The following ZCRB1 variants were observed in gnomAD, a reference collection of about 807,000 sequenced individuals.
ZCRB1 encodes zinc finger CCHC-type and RNA-binding motif-containing protein 1.
ZCRB1 carries 21 observed loss-of-function variants against 29.9 expected under a neutral mutation model. That is an observed-to-expected ratio of 0.70 (90% CI 0.50 to 1.01). ZCRB1 has a LOEUF of 1.01. Ranked by LOEUF, ZCRB1 falls within the 50% of genes least tolerant of loss-of-function variation. The probability of loss-of-function intolerance (pLI) is 0.00; values close to 1 mark genes in which losing one functional copy is unlikely to be tolerated. For missense variants in ZCRB1, 204 were observed against 253.3 expected, an observed-to-expected ratio of 0.81 and a Z score of 1.32; for synonymous variants, 77 against 80.0, an observed-to-expected ratio of 0.96 and a Z score of 0.20.
At chr12:42,324,534 A>G (rs1322968004) in intron 1 of ZCRB1, among the ~76,000 whole-genome samples, 1 of 152,252 alleles carries the variant, frequency 6.6e-6, no homozygotes, top group African/African-American at 2.4e-5. Flanking sequence ...ACAAAAACCA[A>G]TAAAGTATTA....
intron 2 of ZCRB1, among the ~76,000 whole-genome samples, chr12:42,323,480 C>T (rs1166106081): frequency 6.6e-6 from 1 of 152,128 alleles, no homozygotes; most frequent in Non-Finnish European, 1.5e-5. Flanking sequence ...TCTGACCGCC[C>T]TATGTAAAAT....
chr12:42,320,678 C>G (rs1173833206), intron 3 of ZCRB1, among the ~76,000 whole-genome samples: 1 of 152,040 alleles, frequency 6.6e-6, no homozygotes, highest in Non-Finnish European at 1.5e-5. Context: ...GAACTCATGA[C>G]CTTTCAAGTG....
rs147038930 is a variant in ZCRB1, at chr12:42,316,691, G to A, written c.333+649C>T. Among the ~76,000 whole-genome samples, 258 of 152,302 alleles carry A rather than the reference G, an allele frequency of 1.7e-3. 3 individuals carry two copies. The highest frequency in any genetic ancestry group is 5.8e-3 in the African/African-American group (240 of 41,566). On this transcript the variant is annotated intron_variant, in intron 5 of 7. Transcript: ENST00000266529. ...CACATGATAATGTTGCTATTGAACT[G>A]TGACTTAAAAACTGTTAAAGAAACA...
chr12:42,313,914 T>G lies in ZCRB1; in HGVS notation c.406A>C (p.Lys136Gln). The G allele has an allele frequency of 6.2e-7, 1 of 1,605,014 alleles. No individual in the cohort carries two copies. Among genetic ancestry groups the G allele is most frequent in the Non-Finnish European group, 8.5e-7 (1 of 1,178,194 alleles). The part of the protein sequence containing the change: ...GEREPPKKKE[K>Q]KKKKKAPEPE... Reference sequence around the variant, plus strand: ...TCAGGAGCTTTCTTTTTTTTCTTTTTTTCTTTCTTCTTTGGAGGCTCACGT... The same window carrying G: ...TCAGGAGCTTTCTTTTTTTTCTTTTGTTCTTTCTTCTTTGGAGGCTCACGT... Residue 136 changes from lysine to glutamine, a missense_variant, in exon 6 of 8, where the codon AAA becomes CAA. Physicochemically the swap from Lys to Gln is moderately conservative, Grantham distance 53. Transcript: ENST00000266529.
intron 5 of ZCRB1, 104 bp downstream of exon 5, chr12:42,317,236 A>G (rs2068598930): frequency 5.7e-6 from 4 of 701,218 alleles, no homozygotes; most frequent in Non-Finnish European, 9.1e-6. Flanking sequence ...GCATTTTCAT[A>G]ATCTGGTTTA....
chr12:42,318,221 CAAAAT>C (rs778109953), intron 3 of ZCRB1, among the ~76,000 whole-genome samples: 9 of 152,124 alleles, frequency 5.9e-5, no homozygotes, highest in South Asian at 4.2e-4. Context: ...CAAAACAAAA[CAAAAT>C]AAAGGTATAC....
intron 3 of ZCRB1, among the ~76,000 whole-genome samples, chr12:42,320,730 G>A (rs1273223818): frequency 6.6e-6 from 1 of 152,130 alleles, no homozygotes; most frequent in Non-Finnish European, 1.5e-5. Flanking sequence ...GATTACAGGT[G>A]TGTGCCACTG....
At chr12:42,324,946 A>G (rs2060654522) in intron 1 of ZCRB1, among the ~76,000 whole-genome samples, 1 of 152,238 alleles carries the variant, frequency 6.6e-6, no homozygotes, top group South Asian at 2.1e-4. Context: ...TGCTTAATGA[A>G]GGAGGTATGT....
At chr12:42,318,576 T>C (rs931301932) in intron 3 of ZCRB1, among the ~76,000 whole-genome samples, 3 of 152,180 alleles carry the variant, frequency 2.0e-5, no homozygotes, top group African/African-American at 7.2e-5. Flanking sequence ...TCCTGCCCCA[T>C]CCACATCCCT....
intron 1 of ZCRB1, chr12:42,325,540 A>G (rs1387383408): frequency 6.6e-6 from 1 of 152,168 alleles, no homozygotes; most frequent in Non-Finnish European, 1.5e-5. Context: ...AATTACCGTG[A>G]AAATATCAGG....
At chr12:42,322,277 A>T in intron 3 of ZCRB1, 141 bp downstream of exon 3, 1 of 856,972 alleles carries the variant, frequency 1.2e-6, no homozygotes, top group Non-Finnish European at 1.7e-6. Flanking sequence ...AAAACCAACT[A>T]AATTGTCATA....
rs1404393203 is a variant in ZCRB1, at chr12:42,314,466, C to T, written c.334-480G>A. ...CATAAGTGGCACACACCTGTAGTCC[C>T]AGCTACTCAGGAGGCTGAGGTAGGA... On this transcript the variant is annotated intron_variant, in intron 5 of 7. Transcript: ENST00000266529. 4.8e-5 allele frequency among the ~76,000 whole-genome samples: 7 copies of T among 145,496 alleles called. 1 individual carries two copies. The highest frequency in any genetic ancestry group is 1.0e-4 in the Non-Finnish European group (7 of 67,196).
At chr12:42,319,465 G>A (rs900852708) in intron 3 of ZCRB1, among the ~76,000 whole-genome samples, 4 of 151,946 alleles carry the variant, frequency 2.6e-5, no homozygotes, top group South Asian at 2.1e-4. Flanking sequence ...TCCTTCCCAC[G>A]CACACACTAT....
intron 5 of ZCRB1, among the ~76,000 whole-genome samples, chr12:42,316,387 A>AC (rs1438207523): frequency 1.3e-5 from 2 of 152,180 alleles, no homozygotes; most frequent in African/African-American, 2.4e-5. Flanking sequence ...GGCGTGAGCC[A>AC]CTGTGCCCGG....
rs190948397 is a variant in ZCRB1, at chr12:42,317,239, C to T, written c.333+101G>A. Reference sequence around the variant, plus strand: ...TTAAAAAATAAAGCATTTTCATAATCTGGTTTAGCCAGTCAGAAGTTTTGG... The same window carrying T: ...TTAAAAAATAAAGCATTTTCATAATTTGGTTTAGCCAGTCAGAAGTTTTGG... On this transcript the variant is annotated intron_variant, in intron 5 of 7. Transcript: ENST00000266529. The T allele has an allele frequency of 4.6e-3, 3,247 of 713,120 alleles. 53 individuals carry two copies. The highest frequency in any genetic ancestry group is 0.023 in the Middle Eastern group (55 of 2,394). 44.2% of individuals were successfully genotyped at this position (713,120 alleles called of 1,614,324 possible). A position where few individuals can be genotyped will look rare whatever the true frequency, so the allele number is the denominator to read the frequency against.
chr12:42,324,487 C>T (rs568694969), intron 1 of ZCRB1, among the ~76,000 whole-genome samples: 1 of 152,126 alleles, frequency 6.6e-6, no homozygotes, highest in African/African-American at 2.4e-5. Flanking sequence ...ACCAATACAT[C>T]AGACCAGTCT....
chr12:42,318,236 C>T (rs2068604314), intron 3 of ZCRB1, among the ~76,000 whole-genome samples: 1 of 152,142 alleles, frequency 6.6e-6, no homozygotes, highest in Non-Finnish European at 1.5e-5. Flanking sequence ...TAAAGGTATA[C>T]TTTACACAAA....
chr12:42,313,149 A>T lies in ZCRB1; in HGVS notation c.572T>A (p.Val191Asp), dbSNP rs1375057028. The change falls in exon 8 of 8, where the codon GTC becomes GAC. Residue 191 changes from valine (V) to aspartate (D), a missense_variant. Val to Asp is a radical substitution (Grantham distance 152). Transcript: ENST00000266529. ...EQKKWKPSSG[V>D]PSTSDDSRRP... The stretch of plus-strand genomic sequence containing the variant: ...TCTTGAATCATCTGATGTTGAGGGG[A>T]CTCCTGAACTGGGTTTCCATTTTTT... 1 of 1,611,158 alleles carries T rather than the reference A, an allele frequency of 6.2e-7. No homozygotes were observed. The highest frequency in any genetic ancestry group is 1.3e-5 in the African/African-American group (1 of 74,582).
intron 4 of ZCRB1, 117 bp from the exon 5 acceptor site, chr12:42,317,564 C>CA (rs2068600838): frequency 1.1e-6 from 1 of 907,808 alleles, no homozygotes; most frequent in South Asian, 1.8e-5. Flanking sequence ...TAGCAATTGT[C>CA]ACTTAGGTGT....
Sources: allele counts gnomAD v4.1 joint callset (sites outside exome capture counted in the v4.1 genomes callset), GRCh38; gene constraint gnomAD v4.1.1; transcripts MANE v1.5; gene names NCBI Gene and HGNC (gene_info 2026-07-23, HGNC 2026-07-21).